The following RSRC1 variants were observed in gnomAD, a reference collection of about 807,000 sequenced individuals.
RSRC1 encodes the protein arginine and serine rich coiled-coil 1.
In RSRC1, 39 loss-of-function variants were observed where a neutral mutation model predicts 49.1. The ratio of observed to expected loss-of-function variants is 0.79; its 90% CI spans 0.61 to 1.04. The LOEUF is 1.04. Ranked by LOEUF, RSRC1 falls within the 50% of genes least tolerant of loss-of-function variation. The pLI is 0.00. For missense variants in RSRC1, 388 were observed against 402.4 expected (o/e 0.96, Z 0.31); for synonymous variants, 143 against 130.8 (o/e 1.09, Z -0.63).
intron 5 of RSRC1, among the ~76,000 whole-genome samples, chr3:158,321,115 C>G (rs1396410569): frequency 3.3e-5 from 5 of 152,090 alleles, no homozygotes; most frequent in African/African-American, 7.2e-5. Flanking sequence ...TAGTATCTCC[C>G]AAGCCCTGTA....
At chr3:158,367,640 G>A (rs1472399977) in intron 6 of RSRC1, among the ~76,000 whole-genome samples, 1 of 152,142 alleles carries the variant, frequency 6.6e-6, no homozygotes, top group Admixed American at 6.6e-5. Context: ...TTGGTATCAG[G>A]ATGATGCTGG....
chr3:158,477,151 C>T (rs1560059260), intron 7 of RSRC1, among the ~76,000 whole-genome samples: 2 of 152,036 alleles, frequency 1.3e-5, no homozygotes, highest in Admixed American at 1.3e-4. Flanking sequence ...GAAAGTGGTT[C>T]CTTGAGATGG....
chr3:158,247,716 T>TA (rs1723983671), intron 4 of RSRC1, among the ~76,000 whole-genome samples: 1 of 152,134 alleles, frequency 6.6e-6, no homozygotes, highest in Non-Finnish European at 1.5e-5. Flanking sequence ...TACCTGGAGG[T>TA]ATCACCAGTG....
intron 6 of RSRC1, among the ~76,000 whole-genome samples, chr3:158,387,141 C>T (rs1162088902): frequency 6.6e-6 from 1 of 152,016 alleles, no homozygotes; most frequent in Non-Finnish European, 1.5e-5. Context: ...GAAATATCTG[C>T]CTCTATATAT....
chr3:158,370,137 A>G lies in RSRC1; in HGVS notation c.583+15229A>G, dbSNP rs1056219998. 4.6e-5 allele frequency among the ~76,000 whole-genome samples: 7 copies of G among 152,098 alleles called. No individual in the cohort carries two copies. In the South Asian group the frequency reaches 1.0e-3, roughly 23 times the overall value. ...GAAAAATAACTAGATGATGTACATT[A>G]TATCATTTGTATTGGTATTGTCTCT... On this transcript the variant is annotated intron_variant, in intron 6 of 9. Coordinates refer to ENST00000611884, the MANE Select transcript of RSRC1 (RefSeq NM_001271838.2).
At chr3:158,468,415 T>C (rs1737985178) in intron 7 of RSRC1, among the ~76,000 whole-genome samples, 1 of 152,204 alleles carries the variant, frequency 6.6e-6, no homozygotes, top group South Asian at 2.1e-4. Context: ...TATCCTGAGA[T>C]GAAAACACTC....
chr3:158,244,652 AGAG>A (rs1304492876), intron 4 of RSRC1, among the ~76,000 whole-genome samples: 11 of 152,284 alleles, frequency 7.2e-5, no homozygotes, highest in African/African-American at 2.4e-4. Flanking sequence ...ATGAGTTAAC[AGAG>A]GAGTTCCTTC....
intron 4 of RSRC1, among the ~76,000 whole-genome samples, chr3:158,294,275 C>G (rs1291193290): frequency 1.3e-5 from 2 of 152,080 alleles, no homozygotes; most frequent in East Asian, 3.9e-4. Context: ...AATTCATCCT[C>G]TGTCTGTATC....
At chr3:158,410,775 T>C (rs989672473) in intron 6 of RSRC1, among the ~76,000 whole-genome samples, 1 of 151,932 alleles carries the variant, frequency 6.6e-6, no homozygotes, top group African/African-American at 2.4e-5. Context: ...CAGAGAAAAA[T>C]AGATAAATGT....
intron 4 of RSRC1, among the ~76,000 whole-genome samples, chr3:158,287,145 G>A (rs1290978878): frequency 6.6e-6 from 1 of 152,088 alleles, no homozygotes; most frequent in Admixed American, 6.6e-5. Flanking sequence ...AGTTTTAACA[G>A]CTAAAGACTT....
intron 1 of RSRC1, among the ~76,000 whole-genome samples, chr3:158,116,168 T>G (rs1714804305): frequency 6.6e-6 from 1 of 152,242 alleles, no homozygotes; most frequent in Non-Finnish European, 1.5e-5. Context: ...CAATACAAAT[T>G]ATCTAAAATT....
intron 6 of RSRC1, among the ~76,000 whole-genome samples, chr3:158,451,341 G>A (rs1206614591): frequency 1.3e-5 from 2 of 151,934 alleles, no homozygotes; most frequent in African/African-American, 4.8e-5. Flanking sequence ...GTACTTGGGA[G>A]GAGCTGATAT....
At chr3:158,303,511 A>C (rs547500859) in intron 5 of RSRC1, 105 of 152,282 alleles carry the variant, frequency 6.9e-4, no homozygotes, top group African/African-American at 2.4e-3. Context: ...CTTAAAGCAC[A>C]TTCTGATTCT....
At chr3:158,377,512 T>C (rs756659259) in intron 6 of RSRC1, among the ~76,000 whole-genome samples, 1 of 152,166 alleles carries the variant, frequency 6.6e-6, no homozygotes, top group Non-Finnish European at 1.5e-5. Context: ...TCTCCCGCTC[T>C]TGCTCCTTCT....
intron 5 of RSRC1, among the ~76,000 whole-genome samples, chr3:158,330,558 A>G (rs1412727812): frequency 2.0e-5 from 3 of 152,274 alleles, no homozygotes; most frequent in Admixed American, 6.5e-5. Context: ...CAATAGGTAC[A>G]CTATATCTCA....
chr3:158,298,040 G>C lies in RSRC1; in HGVS notation c.496G>C (p.Glu166Gln). 1 of 1,601,642 alleles carries C rather than the reference G, an allele frequency of 6.2e-7. No homozygotes were observed. Among genetic ancestry groups the C allele is most frequent in the Non-Finnish European group, 8.6e-7 (1 of 1,169,520 alleles). Residue 166 changes from glutamate (E) to glutamine (Q), a missense_variant and splice_region_variant, in exon 5 of 10, where the codon GAA (glutamate) becomes CAA (glutamine). Glu to Gln is a conservative substitution (Grantham distance 29). Coordinates refer to ENST00000611884, the MANE Select transcript of RSRC1 (RefSeq NM_001271838.2). ...AGAACTTTTACTCTTCTATTTTAGGGAATCTGGAAACATCAAAGCTGGATT... is the reference window on the plus strand; with the variant it reads ...AGAACTTTTACTCTTCTATTTTAGGCAATCTGGAAACATCAAAGCTGGATT... ...DKELHNIKRG[E>Q]SGNIKAGLEH...
chr3:158,287,737 T>C (rs1475644189), intron 4 of RSRC1, among the ~76,000 whole-genome samples: 1 of 152,158 alleles, frequency 6.6e-6, no homozygotes, highest in African/African-American at 2.4e-5. Flanking sequence ...ATAAGAAAAA[T>C]AATTGTATTT....
At chr3:158,127,224 C>G (rs112179275) in intron 3 of RSRC1, among the ~76,000 whole-genome samples, 1 of 152,106 alleles carries the variant, frequency 6.6e-6, no homozygotes, top group East Asian at 1.9e-4. Flanking sequence ...AATAAGCTCT[C>G]TGTTCATTTC....
At chr3:158,228,823 AC>A in intron 4 of RSRC1, among the ~76,000 whole-genome samples, 1 of 23,050 alleles carries the variant, frequency 4.3e-5, no homozygotes, top group Non-Finnish European at 8.2e-5. Context: ...GATCATAGAC[AC>A]ACGTGTGTAT....
Sources: gnomAD v4.1 joint callset for allele counts (sites outside exome capture counted in the v4.1 genomes callset) on GRCh38, gnomAD v4.1.1 for gene constraint, MANE v1.5 for transcripts, NCBI Gene and HGNC (gene_info 2026-07-23, HGNC 2026-07-21) for gene names.